The following EYA4 variants were observed in gnomAD, a reference collection of about 807,000 sequenced individuals.
EYA4 encodes the protein EYA transcriptional coactivator and phosphatase 4, also known as protein phosphatase EYA4.
EYA4 carries 31 observed loss-of-function variants against 87.9 expected under a neutral mutation model. The ratio of observed to expected loss-of-function variants is 0.35; its 90% CI spans 0.27 to 0.48. The LOEUF (loss-of-function observed/expected upper bound fraction) is 0.48. EYA4 is among the 20% of genes least tolerant of loss of function. The pLI is 0.99. For synonymous variants in EYA4, 263 were observed against 270.6 expected, an observed-to-expected ratio of 0.97 and a Z score of 0.28; for missense variants, 678 against 761.4, an observed-to-expected ratio of 0.89 and a Z score of 1.29.
intron 13 of EYA4, among the ~76,000 whole-genome samples, chr6:133,497,455 C>T (rs1176941471): frequency 6.6e-6 from 1 of 152,082 alleles, no homozygotes; most frequent in South Asian, 2.1e-4. Flanking sequence ...CTTTTCCAAG[C>T]AGAACTATTC....
intron 1 of EYA4, among the ~76,000 whole-genome samples, chr6:133,250,725 T>A (rs1774828157): frequency 6.6e-6 from 1 of 152,170 alleles, no homozygotes; most frequent in Non-Finnish European, 1.5e-5. Flanking sequence ...TTGATGAGTT[T>A]GTAACATCAA....
chr6:133,388,969 G>C (rs1399509637), intron 3 of EYA4, among the ~76,000 whole-genome samples: 3 of 152,164 alleles, frequency 2.0e-5, no homozygotes, highest in Non-Finnish European at 4.4e-5. Flanking sequence ...ATGAGCTGCT[G>C]CTTGTTAGGA....
At chr6:133,473,937 A>C (rs186989757) in intron 11 of EYA4, among the ~76,000 whole-genome samples, 1 of 152,062 alleles carries the variant, frequency 6.6e-6, no homozygotes, top group Non-Finnish European at 1.5e-5. Context: ...TCTTTGGGTC[A>C]ATACTTGTGT....
rs1185465017 is a variant in EYA4, at chr6:133,388,564, T to G, written c.83+6123T>G. ...GTGTTATTTTTGTACACTTTTTGAT[T>G]TCTTTCTGCACTTCCCCTGTAGAGT... On this transcript the variant is annotated intron_variant, in intron 3 of 19. Transcript: ENST00000355286. 3.3e-5 allele frequency among the ~76,000 whole-genome samples: 5 copies of G among 152,302 alleles called. No homozygotes were observed. In the East Asian group the frequency reaches 9.6e-4, roughly 29 times the overall value.
chr6:133,481,266 C>T (rs1796194914), intron 11 of EYA4, among the ~76,000 whole-genome samples, 197 bp from the exon 12 acceptor site: 1 of 152,128 alleles, frequency 6.6e-6, no homozygotes, highest in South Asian at 2.1e-4. Context: ...TAATAGATCA[C>T]ATAGATTACA....
At chr6:133,313,211 C>T (rs1276936668) in intron 2 of EYA4, among the ~76,000 whole-genome samples, 1 of 152,128 alleles carries the variant, frequency 6.6e-6, no homozygotes, top group Admixed American at 6.5e-5. Flanking sequence ...GAAGGAGATG[C>T]TCCCTTTTAT....
chr6:133,370,525 C>T (rs751702239), intron 2 of EYA4, among the ~76,000 whole-genome samples: 1 of 152,190 alleles, frequency 6.6e-6, no homozygotes, highest in Non-Finnish European at 1.5e-5. Flanking sequence ...GTGTGAAACA[C>T]ACTTCGTCTT....
intron 2 of EYA4, among the ~76,000 whole-genome samples, chr6:133,314,062 G>A (rs1286493973): frequency 6.6e-6 from 1 of 152,140 alleles, no homozygotes; most frequent in Non-Finnish European, 1.5e-5. Flanking sequence ...AAGCTTGTAT[G>A]TTTTATGTTA....
chr6:133,512,336 C>A (rs894426179), intron 14 of EYA4, among the ~76,000 whole-genome samples: 3 of 152,148 alleles, frequency 2.0e-5, no homozygotes, highest in Non-Finnish European at 4.4e-5. Flanking sequence ...GGTGTTCAGA[C>A]TAAGTTTTGT....
intron 10 of EYA4, among the ~76,000 whole-genome samples, chr6:133,467,866 G>A (rs1304653152): frequency 6.6e-6 from 1 of 151,736 alleles, no homozygotes; most frequent in Admixed American, 6.6e-5. Flanking sequence ...TCATTTTAAG[G>A]TTCTTAAAAT....
At chr6:133,448,212 G>C (rs1356441039) in intron 5 of EYA4, 33 bp downstream of exon 5, 2 of 1,534,124 alleles carry the variant, frequency 1.3e-6, no homozygotes, top group African/African-American at 1.4e-5. Flanking sequence ...GCATGTGTTT[G>C]GGTGTGTGGA....
intron 2 of EYA4, among the ~76,000 whole-genome samples, chr6:133,317,635 T>C (rs1261354148): frequency 6.6e-6 from 1 of 152,000 alleles, no homozygotes; most frequent in Non-Finnish European, 1.5e-5. Context: ...TGTTCTGGAG[T>C]AAAATTGTTA....
chr6:133,282,915 T>C (rs997394542), intron 2 of EYA4, among the ~76,000 whole-genome samples: 1 of 152,200 alleles, frequency 6.6e-6, no homozygotes, highest in Non-Finnish European at 1.5e-5. Context: ...ATAAGAGCTA[T>C]GATATCTTTG....
chr6:133,442,513 A>G (rs530760339), intron 3 of EYA4, among the ~76,000 whole-genome samples: 1 of 152,232 alleles, frequency 6.6e-6, no homozygotes, highest in South Asian at 2.1e-4. Context: ...TAGTACTGGC[A>G]AGGTCCTTAT....
chr6:133,338,258 T>C (rs1782524507), intron 2 of EYA4, among the ~76,000 whole-genome samples: 1 of 152,144 alleles, frequency 6.6e-6, no homozygotes. Context: ...AAAAGGTCAC[T>C]CAATTTAATG....
intron 2 of EYA4, among the ~76,000 whole-genome samples, chr6:133,309,398 A>G (rs769546808): frequency 2.6e-5 from 4 of 152,168 alleles, no homozygotes; most frequent in Non-Finnish European, 4.4e-5. Flanking sequence ...TTCTCTTAAA[A>G]TATTCCATTT....
chr6:133,406,977 G>T (rs1287808181), intron 3 of EYA4, among the ~76,000 whole-genome samples: 13 of 152,076 alleles, frequency 8.5e-5, no homozygotes, highest in Admixed American at 8.5e-4. Context: ...CACTTATTTA[G>T]CTTTTAGGTT....
chr6:133,326,027 CCTT>C (rs1781475393), intron 2 of EYA4, among the ~76,000 whole-genome samples: 1 of 152,212 alleles, frequency 6.6e-6, no homozygotes, highest in East Asian at 1.9e-4. Context: ...GCCTCACTGA[CCTT>C]CTTGTAGGAG....
chr6:133,365,026 A>G (rs1482213367), intron 2 of EYA4, among the ~76,000 whole-genome samples: 2 of 152,182 alleles, frequency 1.3e-5, no homozygotes, highest in Non-Finnish European at 2.9e-5. Flanking sequence ...AGACATGATG[A>G]ATCTTTCTTT....
Sources: allele counts gnomAD v4.1 joint callset (sites outside exome capture counted in the v4.1 genomes callset), GRCh38; gene constraint gnomAD v4.1.1; transcripts MANE v1.5; gene names NCBI Gene and HGNC (gene_info 2026-07-23, HGNC 2026-07-21).